Variants in DMRT1 observed in about 807,000 individuals in gnomAD.
DMRT1 encodes the protein doublesex and mab-3 related transcription factor 1.
Under a neutral mutation model 32.3 loss-of-function variants are expected in DMRT1, and 7 were observed. The ratio of observed to expected loss-of-function variants is 0.22; its 90% CI spans 0.12 to 0.41. DMRT1 has a LOEUF of 0.41. DMRT1 is among the 10% of genes least tolerant of loss of function. The pLI, the probability that DMRT1 is intolerant of heterozygous loss-of-function variation, is 1.00. For missense variants in DMRT1, 625 were observed against 500.5 expected, an observed-to-expected ratio of 1.25 and a Z score of -2.37; for synonymous variants, 278 against 206.1, an observed-to-expected ratio of 1.35 and a Z score of -2.99.
At position 901,586 on chromosome 9, in the gene DMRT1, C is replaced by G. The variant is rs151153355; in HGVS notation, c.822+7391C>G. Among the ~76,000 whole-genome samples the G allele has an allele frequency of 7.0e-3, 1,073 of 152,246 alleles. 11 individuals are homozygous for G. Among genetic ancestry groups the G allele is most frequent in the African/African-American group, 0.025 (1,022 of 41,552 alleles). On this transcript the variant is annotated intron_variant, in intron 3 of 4. Transcript: ENST00000382276. ...AGGTGATCCGCCTGCCTTGGCCTCC[C>G]AAAGTGCTGGGATTATAGGCGGGAG...
intron 2 of DMRT1, among the ~76,000 whole-genome samples, chr9:877,305 C>T (rs1196251905): frequency 6.6e-6 from 1 of 152,176 alleles, no homozygotes; most frequent in Non-Finnish European, 1.5e-5. Context: ...AGGTTTTGAA[C>T]CGTGTAATAC....
intron 2 of DMRT1, among the ~76,000 whole-genome samples, chr9:847,371 T>G (rs1838953489): frequency 6.6e-6 from 1 of 152,220 alleles, no homozygotes; most frequent in Admixed American, 6.5e-5. Context: ...TAGTCAAGAC[T>G]GAGTCTGGAC....
chr9:912,437 G>C (rs1315205330), intron 3 of DMRT1, among the ~76,000 whole-genome samples: 1 of 152,128 alleles, frequency 6.6e-6, no homozygotes, highest in Non-Finnish European at 1.5e-5. Context: ...GATTCATTAA[G>C]GATAGTGAAT....
At chr9:954,233 G>A (rs988300220) in intron 4 of DMRT1, among the ~76,000 whole-genome samples, 9 of 152,168 alleles carry the variant, frequency 5.9e-5, no homozygotes, top group African/African-American at 1.9e-4. Context: ...ACCACCAAAG[G>A]TGTTTATTTA....
chr9:946,783 G>A (rs1819259970), intron 4 of DMRT1, among the ~76,000 whole-genome samples: 1 of 152,158 alleles, frequency 6.6e-6, no homozygotes, highest in Non-Finnish European at 1.5e-5. Context: ...GCTGAAAAAT[G>A]TGCTGCCTCC....
At chr9:894,301 A>G (rs537528754) in intron 3 of DMRT1, 106 bp downstream of exon 3, 2 of 1,194,532 alleles carry the variant, frequency 1.7e-6, no homozygotes, top group African/African-American at 3.0e-5. Context: ...GTGCGCCCAG[A>G]GGCACACACA....
chr9:942,287 TA>T (rs1819100131), intron 4 of DMRT1, among the ~76,000 whole-genome samples: 2 of 152,234 alleles, frequency 1.3e-5, no homozygotes, highest in African/African-American at 4.8e-5. Context: ...TTTTCCTTTT[TA>T]TTTGAGTCAG....
chr9:930,019 C>T (rs566153438), intron 4 of DMRT1, among the ~76,000 whole-genome samples: 1 of 152,220 alleles, frequency 6.6e-6, no homozygotes, highest in South Asian at 2.1e-4. Flanking sequence ...AGCTGTGTGC[C>T]CAGCCGTCTT....
intron 2 of DMRT1, among the ~76,000 whole-genome samples, chr9:888,515 G>A (rs1817019054): frequency 6.6e-6 from 1 of 152,018 alleles, no homozygotes; most frequent in South Asian, 2.1e-4. Context: ...GCCCAGGTTG[G>A]TCTCGAACTC....
At chr9:952,886 A>G (rs551090943) in intron 4 of DMRT1, among the ~76,000 whole-genome samples, 14 of 152,336 alleles carry the variant, frequency 9.2e-5, no homozygotes, top group African/African-American at 3.4e-4. Flanking sequence ...CGTGTTGGTT[A>G]GGCAGAGTCA....
At chr9:863,990 A>G (rs1815846166) in intron 2 of DMRT1, among the ~76,000 whole-genome samples, 1 of 152,098 alleles carries the variant, frequency 6.6e-6, no homozygotes, top group South Asian at 2.1e-4. Flanking sequence ...TAAACCAGGA[A>G]ACTATATGAG....
At chr9:864,783 A>G (rs1294341995) in intron 2 of DMRT1, among the ~76,000 whole-genome samples, 1 of 152,174 alleles carries the variant, frequency 6.6e-6, no homozygotes, top group African/African-American at 2.4e-5. Context: ...TACAGGCGTG[A>G]GCCACCGTGC....
chr9:880,716 C>G (rs1816696699), intron 2 of DMRT1, among the ~76,000 whole-genome samples: 1 of 127,716 alleles, frequency 7.8e-6, no homozygotes, highest in South Asian at 2.5e-4. Flanking sequence ...ACCAGCAAAA[C>G]TCAGTCTCAA....
chr9:862,056 GAT>G (rs1815726422), intron 2 of DMRT1, among the ~76,000 whole-genome samples: 1 of 151,460 alleles, frequency 6.6e-6, no homozygotes, highest in Non-Finnish European at 1.5e-5. Flanking sequence ...CATCCCAGAC[GAT>G]GGGCGGCCAG....
chr9:901,006 T>A (rs12552681), intron 3 of DMRT1, among the ~76,000 whole-genome samples: 3 of 105,632 alleles, frequency 2.8e-5, no homozygotes, highest in African/African-American at 8.4e-5. Context: ...TTCAGTTTTT[T>A]TTTTTTAATT....
At chr9:894,526 G>T (rs909452069) in intron 3 of DMRT1, 8 of 373,922 alleles carry the variant, frequency 2.1e-5, no homozygotes, top group African/African-American at 8.4e-5. Flanking sequence ...TAAATAACCA[G>T]TTGGGCACAG....
intron 1 of DMRT1, among the ~76,000 whole-genome samples, chr9:845,259 G>C (rs1838857946): frequency 6.6e-6 from 1 of 151,512 alleles, no homozygotes; most frequent in South Asian, 2.1e-4. Context: ...GCCCAGGCTG[G>C]AGTGCAGTGG....
chr9:851,389 T>C (rs7873659), intron 2 of DMRT1, among the ~76,000 whole-genome samples: 134,681 of 152,028 alleles, frequency 0.89, 59,788 homozygotes, highest in Middle Eastern at 0.94. Context: ...CAGGCGTGCG[T>C]GGCGATGCCC....
At chr9:927,988 C>T (rs942864016) in intron 4 of DMRT1, among the ~76,000 whole-genome samples, 1 of 152,174 alleles carries the variant, frequency 6.6e-6, no homozygotes, top group Non-Finnish European at 1.5e-5. Flanking sequence ...CTTGCCTGTC[C>T]TGTTGAGCAC....
Sources: allele counts gnomAD v4.1 joint callset (sites outside exome capture counted in the v4.1 genomes callset), GRCh38; gene constraint gnomAD v4.1.1; transcripts MANE v1.5; gene names NCBI Gene and HGNC (gene_info 2026-07-23, HGNC 2026-07-21).